The following POLR3A variants were observed in gnomAD, a reference collection of about 807,000 sequenced individuals.
POLR3A encodes the protein RNA polymerase III subunit A.
In POLR3A, 112 loss-of-function variants were observed where a neutral mutation model predicts 152.8. The ratio of observed to expected loss-of-function variants is 0.73; its 90% confidence interval spans 0.63 to 0.86. The LOEUF (loss-of-function observed/expected upper bound fraction) is 0.86, where lower values mean the gene tolerates loss of function less well. Ranked by LOEUF, POLR3A falls within the 40% of genes least tolerant of loss-of-function variation. POLR3A has a pLI of 0.00. For synonymous variants in POLR3A, 615 were observed against 652.1 expected (o/e 0.94, Z 0.87); for missense variants, 1,385 against 1,743.1 (o/e 0.79, Z 3.66).
At chr10:78,018,391 C>T (rs956281832) in intron 9 of POLR3A, among the ~76,000 whole-genome samples, 6 of 150,798 alleles carry the variant, frequency 4.0e-5, no homozygotes, top group African/African-American at 1.2e-4. Flanking sequence ...CCCAGCTACT[C>T]GGGTGACTGA....
rs183321726 is a variant in POLR3A at position 78,013,616 on chromosome 10, T to C, written c.1572+34A>G. 6,895 of 1,612,020 alleles carry C rather than the reference T, an allele frequency of 4.3e-3. 29 individuals carry two copies. Among genetic ancestry groups the C allele is most frequent in the South Asian group, 5.8e-3 (526 of 91,006 alleles). On this transcript the variant is annotated intron_variant, in intron 11 of 30. Coordinates refer to ENST00000372371, the MANE Select transcript of POLR3A (RefSeq NM_007055.4). ...TCCTTTGCCTCCTTTCAAGGAGCTG[T>C]TATGCAAAAGCTGGGCTGTGCCACC...
rs1327584154 is a variant in POLR3A, at chr10:78,007,781, G to A, written c.1995C>T (p.Tyr665=). ...LGSGSKNNIF[Y]ILLRDWGQNE... ...TCTGTCCCCAGTCTCGCAGCAAAAT[G>A]TAAAAAATATTGTTCTTGGATCCTG... is the stretch of plus-strand genomic sequence containing the variant. The change falls in exon 15 of 31, where the codon TAC becomes TAT. Residue 665 remains tyrosine (Y), a synonymous_variant. Transcript: ENST00000372371. The A allele has an allele frequency of 1.2e-6, 2 of 1,614,032 alleles. No individual in the cohort carries two copies. The highest frequency in any genetic ancestry group is 2.7e-5 in the African/African-American group (2 of 75,064).
intron 19 of POLR3A, among the ~76,000 whole-genome samples, chr10:77,994,955 C>T (rs1313351591): frequency 2.0e-4 from 31 of 152,238 alleles, no homozygotes; most frequent in Admixed American, 1.5e-3. Flanking sequence ...AGACTAACAG[C>T]GGATCTCTCG....
intron 16 of POLR3A, among the ~76,000 whole-genome samples, chr10:78,004,440 C>T (rs1847390724): frequency 1.3e-5 from 2 of 152,248 alleles, no homozygotes; most frequent in South Asian, 4.1e-4. Context: ...GCTATGTTTT[C>T]ACCACCTGGA....
chr10:77,981,868 CAAAAA>C, intron 28 of POLR3A, among the ~76,000 whole-genome samples: 1 of 63,796 alleles, frequency 1.6e-5, no homozygotes, highest in Non-Finnish European at 3.0e-5. Flanking sequence ...ACTAAAAATA[CAAAAA>C]AAAAAAAAAA....
At chr10:77,988,764 G>A (rs1748047678) in intron 21 of POLR3A, among the ~76,000 whole-genome samples, 1 of 152,290 alleles carries the variant, frequency 6.6e-6, no homozygotes, top group South Asian at 2.1e-4. Flanking sequence ...CAGTATAAGA[G>A]GGGGCTTTGC....
chr10:78,013,847 C>G (rs1847490697), intron 10 of POLR3A, 57 bp from the exon 11 acceptor site: 6 of 1,610,452 alleles, frequency 3.7e-6, no homozygotes, highest in South Asian at 2.2e-5. Context: ...TATCCAAAAG[C>G]TTCTCTGTTT....
chr10:78,026,997 A>C (rs1268805847), intron 1 of POLR3A, among the ~76,000 whole-genome samples: 3 of 152,218 alleles, frequency 2.0e-5, no homozygotes. Context: ...AGATTAGCTA[A>C]GACAGACAAG....
chr10:77,978,545 C>A (rs527602624), intron 30 of POLR3A, among the ~76,000 whole-genome samples: 2 of 152,284 alleles, frequency 1.3e-5, no homozygotes, highest in South Asian at 2.1e-4. Flanking sequence ...TGGGTCTCAG[C>A]CCTATTGTCA....
Position 78,013,356 on chromosome 10 carries a change from C to T in POLR3A, c.1572+294G>A, listed in dbSNP as rs1455175970. Reference sequence around the variant, plus strand: ...TCTTTTCTTACCTTGTCATAACTGGCCCTCATGTATACATTTTCTCCCAGA... The same window carrying T: ...TCTTTTCTTACCTTGTCATAACTGGTCCTCATGTATACATTTTCTCCCAGA... On this transcript the variant is annotated intron_variant, in intron 11 of 30. Coordinates refer to ENST00000372371, the MANE Select transcript of POLR3A (RefSeq NM_007055.4). The T allele has an allele frequency of 6.9e-5, 29 of 419,808 alleles. No homozygotes were observed. In the Admixed American group the frequency reaches 1.0e-3, roughly 15 times the overall value. 26.0% of individuals were successfully genotyped at this position (419,808 alleles called of 1,614,324 possible). A position where few individuals can be genotyped will look rare whatever the true frequency, so the allele number is the denominator to read the frequency against.
chr10:78,024,896 T>G (rs781690647), intron 4 of POLR3A, 75 bp downstream of exon 4: 61 of 1,559,970 alleles, frequency 3.9e-5, no homozygotes, highest in Non-Finnish European at 5.3e-5. Flanking sequence ...CCGAACATTA[T>G]GTAAACCTAA....
intron 21 of POLR3A, among the ~76,000 whole-genome samples, chr10:77,986,691 C>T (rs1226997420): frequency 6.6e-6 from 1 of 152,198 alleles, no homozygotes; most frequent in Non-Finnish European, 1.5e-5. Flanking sequence ...CCCAGCTTAT[C>T]TTTTCCCCTC....
rs2077554 is a variant in POLR3A at position 78,009,245 on chromosome 10, C to A, written c.1909+292G>T. Among the ~76,000 whole-genome samples, 12,740 of 146,550 alleles carry A rather than the reference C, an allele frequency of 0.087. 1,733 individuals are homozygous for A. The highest frequency in any genetic ancestry group is 0.3 in the African/African-American group (11,835 of 40,082). On this transcript the variant is annotated intron_variant, in intron 14 of 30. Coordinates refer to ENST00000372371, the MANE Select transcript of POLR3A (RefSeq NM_007055.4). Reference sequence around the variant, plus strand: ...CCGCCGCCAAAAAGATGACAAAATACAGACAAACTACTAAGTGAGAAAAAC... The same window carrying A: ...CCGCCGCCAAAAAGATGACAAAATAAAGACAAACTACTAAGTGAGAAAAAC...
intron 1 of POLR3A, among the ~76,000 whole-genome samples, chr10:78,026,597 C>T (rs1847636895): frequency 6.6e-6 from 1 of 152,208 alleles, no homozygotes; most frequent in Admixed American, 6.5e-5. Flanking sequence ...TTTTCTTCTT[C>T]CCTTCTCTGG....
At chr10:77,981,403 G>GC (rs1222488742) in intron 29 of POLR3A, 25 bp downstream of exon 29, 1 of 1,612,454 alleles carries the variant, frequency 6.2e-7, no homozygotes, top group Admixed American at 1.7e-5. Flanking sequence ...TGCCCAGGCA[G>GC]CCCGGGGGCC....
In POLR3A at chr10:78,029,398, C is replaced by T. The variant is rs747848599; in HGVS notation, c.10G>A (p.Glu4Lys). ...GCCACATCCGTCTCCCGGAACTGCTCCTTCACCATGATGACCGCTGCCGGG... is the reference window on the plus strand; with the variant it reads ...GCCACATCCGTCTCCCGGAACTGCTTCTTCACCATGATGACCGCTGCCGGG... MVKEQFRETDVAKK... is the reference protein window; with the variant it reads MVKKQFRETDVAKK... The change falls in exon 1 of 31, where the codon GAG becomes AAG. Residue 4 changes from glutamate (E) to lysine (K), a missense_variant. Coordinates refer to ENST00000372371, the MANE Select transcript of POLR3A (RefSeq NM_007055.4). 2 of 1,614,146 alleles carry T rather than the reference C, an allele frequency of 1.2e-6. No individual in the cohort carries two copies. The highest frequency in any genetic ancestry group is 1.1e-5 in the South Asian group (1 of 91,086).
intron 1 of POLR3A, among the ~76,000 whole-genome samples, chr10:78,028,970 C>A (rs1406443045): frequency 6.6e-6 from 1 of 152,148 alleles, no homozygotes; most frequent in African/African-American, 2.4e-5. Context: ...CTACTGCCTC[C>A]GTGTCAGACG....
intron 10 of POLR3A, among the ~76,000 whole-genome samples, chr10:78,016,813 T>G (rs1342547012): frequency 6.9e-6 from 1 of 145,876 alleles, no homozygotes; most frequent in African/African-American, 2.6e-5. Flanking sequence ...CGGTCAAAGC[T>G]GCAATGAGCC....
At chr10:77,979,347 C>T (rs925785128) in intron 30 of POLR3A, among the ~76,000 whole-genome samples, 20 of 152,182 alleles carry the variant, frequency 1.3e-4, no homozygotes, top group South Asian at 4.1e-4. Flanking sequence ...GTGTGTGCCC[C>T]GGGGCAGGTT....
Sources: allele counts gnomAD v4.1 joint callset (sites outside exome capture counted in the v4.1 genomes callset), GRCh38; gene constraint gnomAD v4.1.1; transcripts MANE v1.5; gene names NCBI Gene and HGNC (gene_info 2026-07-23, HGNC 2026-07-21).